EPHA5: variants seen among roughly 807,000 people sequenced by gnomAD.
The protein encoded by EPHA5 is ephrin type-A receptor 5.
A neutral mutation model predicts 105.0 loss-of-function variants in EPHA5; 60 were observed. The observed-to-expected ratio is 0.57, with a 90% CI of 0.46 to 0.71. The LOEUF (loss-of-function observed/expected upper bound fraction) is 0.71, where lower values mean the gene tolerates loss of function less well. Among genes scored for constraint, EPHA5 ranks in the 30% least tolerant of loss-of-function variants. The pLI, the probability that EPHA5 is intolerant of heterozygous loss-of-function variation, is 0.00. For synonymous variants in EPHA5, 513 were observed against 449.1 expected, an observed-to-expected ratio of 1.14 and a Z score of -1.80; for missense variants, 1,218 against 1,274.7, an observed-to-expected ratio of 0.96 and a Z score of 0.68.
In EPHA5 at chr4:65,413,127, C is replaced by T. The variant is rs184287152; in HGVS notation, c.1687+1157G>A. 3.7e-4 allele frequency among the ~76,000 whole-genome samples: 56 copies of T among 151,976 alleles called. 1 individual carries two copies. The highest frequency in any genetic ancestry group is 1.6e-3 in the Admixed American group (24 of 15,230). ...ATTAAACAATCCATTACTAATATTA[C>T]GAGAATTTTCAGACTAATATCACAT... On this transcript the variant is annotated intron_variant, in intron 7 of 16. Coordinates refer to ENST00000613740, the MANE Select transcript of EPHA5 (RefSeq NM_001281766.3).
chr4:65,567,027 A>T (rs1376094383), intron 3 of EPHA5, among the ~76,000 whole-genome samples: 2 of 151,558 alleles, frequency 1.3e-5, no homozygotes, highest in Admixed American at 6.6e-5. Flanking sequence ...ATATACAAAC[A>T]CTCCACACTT....
intron 5 of EPHA5, among the ~76,000 whole-genome samples, chr4:65,473,321 T>C (rs1488102515): frequency 2.0e-5 from 3 of 152,332 alleles, no homozygotes; most frequent in East Asian, 1.9e-4. Context: ...GGTATCCTTA[T>C]AGAGGTACCC....
intron 2 of EPHA5, among the ~76,000 whole-genome samples, chr4:65,610,041 G>T (rs906835050): frequency 3.3e-5 from 5 of 151,986 alleles, no homozygotes; most frequent in Non-Finnish European, 7.4e-5. Flanking sequence ...GAACTCATAT[G>T]TTCATTGCAG....
At chr4:65,344,220 C>G (rs75512125) in intron 14 of EPHA5, among the ~76,000 whole-genome samples, 2,654 of 152,154 alleles carry the variant, frequency 0.017, 60 homozygotes, top group African/African-American at 0.06. Context: ...TAATTGGGCT[C>G]CTTCTTACTC....
At chr4:65,358,414 G>A (rs536763504) in intron 11 of EPHA5, among the ~76,000 whole-genome samples, 82 of 151,620 alleles carry the variant, frequency 5.4e-4, no homozygotes, top group African/African-American at 1.9e-3. Context: ...CCTATAGTAT[G>A]ATTTCATTAT....
chr4:65,524,093 AT>A (rs199518306), intron 3 of EPHA5, among the ~76,000 whole-genome samples: 1 of 151,768 alleles, frequency 6.6e-6, no homozygotes, highest in African/African-American at 2.4e-5. Flanking sequence ...ACTTCATTAT[AT>A]TTTTTCTTTT....
At chr4:65,348,667 T>C (rs1422857627) in intron 13 of EPHA5, among the ~76,000 whole-genome samples, 8 of 13,362 alleles carry the variant, frequency 6.0e-4, no homozygotes, top group Non-Finnish European at 2.5e-3. Flanking sequence ...GAGATATATA[T>C]ATATATATAT....
intron 3 of EPHA5, among the ~76,000 whole-genome samples, chr4:65,585,272 C>G (rs1742011439): frequency 6.6e-6 from 1 of 151,372 alleles, no homozygotes; most frequent in African/African-American, 2.4e-5. Flanking sequence ...AGAAAAAAAG[C>G]AGGAGATTGA....
intron 3 of EPHA5, among the ~76,000 whole-genome samples, chr4:65,582,001 G>T (rs927282836): frequency 1.3e-5 from 2 of 151,620 alleles, no homozygotes; most frequent in African/African-American, 4.8e-5. Context: ...AACATCTTTT[G>T]TCTTTGTTGG....
chr4:65,569,432 G>A (rs900380084), intron 3 of EPHA5, among the ~76,000 whole-genome samples: 1 of 151,564 alleles, frequency 6.6e-6, no homozygotes, highest in Admixed American at 6.6e-5. Context: ...ATCAGTATAA[G>A]AATAGAATAA....
rs563678006 is a variant in EPHA5 at position 65,331,998 on chromosome 4, C to A, written c.2920G>T (p.Asp974Tyr). ...IFMENGYSSM[D>Y]AVAQVTLEDL... ...TCCAAGGTCACCTGAGCCACAGCGT[C>A]CATTGAACTGTATCCATTTTCCATG... Residue 974 changes from aspartate (D) to tyrosine (Y), a missense_variant, in exon 16 of 17, where the codon GAC (aspartate) becomes TAC (tyrosine). Physicochemically the swap from Asp to Tyr is radical, Grantham distance 160 (BLOSUM62 -3). This residue lies in a region of EPHA5 where 971 missense variants were observed against 1,013.5 expected (regional missense o/e 0.96). Coordinates refer to ENST00000613740, the MANE Select transcript of EPHA5 (RefSeq NM_001281766.3). 6.2e-7 allele frequency: 1 copy of A among 1,610,522 alleles called. No homozygotes were observed. The highest frequency in any genetic ancestry group is 1.3e-5 in the African/African-American group (1 of 74,702).
chr4:65,395,368 A>T lies in EPHA5; in HGVS notation c.1793+9006T>A, dbSNP rs141196281. Among the ~76,000 whole-genome samples, 65 of 152,314 alleles carry T rather than the reference A, an allele frequency of 4.3e-4. No individual in the cohort carries two copies. In the East Asian group the frequency reaches 8.1e-3, roughly 19 times the overall value. On this transcript the variant is annotated intron_variant, in intron 8 of 16. Transcript: ENST00000613740. ...ATGTCCTGGACTTACCTTTGTGTTT[A>T]TGTGCAATAAGTGTCCAAAAATGTT...
At chr4:65,517,514 C>T (rs913310382) in intron 3 of EPHA5, among the ~76,000 whole-genome samples, 4 of 151,752 alleles carry the variant, frequency 2.6e-5, no homozygotes, top group African/African-American at 9.7e-5. Flanking sequence ...AGCCAGTTAT[C>T]ATGTAATGTA....
chr4:65,373,271 A>T (rs1018547930), intron 8 of EPHA5, among the ~76,000 whole-genome samples: 1 of 151,626 alleles, frequency 6.6e-6, no homozygotes, highest in African/African-American at 2.4e-5. Context: ...AATTTAATAT[A>T]CTCTATATAC....
At chr4:65,367,573 G>T (rs920156909) in intron 8 of EPHA5, 149 bp from the exon 9 acceptor site, 21 of 675,514 alleles carry the variant, frequency 3.1e-5, no homozygotes, top group Non-Finnish European at 5.2e-5. Flanking sequence ...CTAGTAGTTT[G>T]GATGAGACCT....
intron 8 of EPHA5, among the ~76,000 whole-genome samples, chr4:65,381,058 C>T (rs1230830613): frequency 6.6e-6 from 1 of 151,714 alleles, no homozygotes; most frequent in Non-Finnish European, 1.5e-5. Context: ...ATATGTCAAG[C>T]TCTCTGCACT....
intron 7 of EPHA5, 104 bp from the exon 8 acceptor site, chr4:65,404,583 T>C: frequency 2.3e-6 from 2 of 887,714 alleles, no homozygotes; most frequent in South Asian, 3.3e-5. Flanking sequence ...TTAAGCAATT[T>C]ACCCACACTT....
At chr4:65,474,473 AG>A (rs1346813331) in intron 5 of EPHA5, among the ~76,000 whole-genome samples, 1 of 152,200 alleles carries the variant, frequency 6.6e-6, no homozygotes, top group Non-Finnish European at 1.5e-5. Flanking sequence ...TGTAAGCATC[AG>A]TTTGCAGAAC....
chr4:65,604,219 A>T (rs575591971), intron 2 of EPHA5, among the ~76,000 whole-genome samples: 6 of 152,266 alleles, frequency 3.9e-5, no homozygotes, highest in African/African-American at 1.4e-4. Context: ...TAAGCCAAGC[A>T]ATTCAGCCTT....
Sources: allele counts gnomAD v4.1 joint callset (sites outside exome capture counted in the v4.1 genomes callset), GRCh38; gene constraint gnomAD v4.1.1; regional missense constraint gnomAD v4.1.1; transcripts MANE v1.5; gene names NCBI Gene and HGNC (gene_info 2026-07-23, HGNC 2026-07-21).